Variants in ABCA12 observed in about 807,000 individuals in gnomAD.
ABCA12 encodes the protein glucosylceramide transporter ABCA12.
Under a neutral mutation model 293.5 loss-of-function variants are expected in ABCA12, and 156 were observed. That is an observed-to-expected ratio of 0.53 (90% CI 0.47 to 0.61). ABCA12 has a LOEUF of 0.61. Ranked by LOEUF, ABCA12 falls within the 20% of genes least tolerant of loss-of-function variation. ABCA12 has a pLI of 0.00. For missense variants in ABCA12, 2,797 were observed against 3,090.2 expected, an observed-to-expected ratio of 0.91 and a Z score of 2.25; for synonymous variants, 1,063 against 1,108.0, an observed-to-expected ratio of 0.96 and a Z score of 0.81.
At position 214,954,033 on chromosome 2, in the gene ABCA12, C is replaced by A. The variant is rs767339265; in HGVS notation, c.6468G>T (p.Leu2156Phe). 1 of 1,614,036 alleles carries A rather than the reference C, an allele frequency of 6.2e-7. No individual in the cohort carries two copies. The highest frequency in any genetic ancestry group is 2.2e-5 in the East Asian group (1 of 44,856). The change falls in exon 44 of 53, where the codon TTG becomes TTT. Residue 2156 changes from leucine (L) to phenylalanine (F), a missense_variant. Leu to Phe is a conservative substitution (Grantham distance 22). Transcript: ENST00000272895. ...IFPQFCFGYG[L>F]IELSQQQSVL... The stretch of plus-strand genomic sequence containing the variant: ...CCGACTGTTGTTGAGAAAGTTCAAT[C>A]AAACCGTAGCCAAAACAGAATTGTG...
chr2:215,011,183 C>T (rs1342529411), intron 17 of ABCA12, among the ~76,000 whole-genome samples: 1 of 152,168 alleles, frequency 6.6e-6, no homozygotes, highest in Non-Finnish European at 1.5e-5. Context: ...TACCTGGGTT[C>T]AAATGACAGC....
intron 2 of ABCA12, among the ~76,000 whole-genome samples, chr2:215,087,473 GT>G (rs1228364353): frequency 7.3e-6 from 1 of 136,882 alleles, no homozygotes; most frequent in Non-Finnish European, 1.5e-5. Context: ...TTACCTAAAT[GT>G]GCATACAGGC....
chr2:214,986,911 G>A lies in ABCA12; in HGVS notation c.3977-183C>T, dbSNP rs146693515. ...CCTCACTTGGTTGCAGAATGAATAA[G>A]AGTGGAGAACCAGGGTTCATTTCAC... On this transcript the variant is annotated intron_variant, in intron 27 of 52. Transcript: ENST00000272895. 5.8e-3 allele frequency among the ~76,000 whole-genome samples: 889 copies of A among 152,300 alleles called. 9 individuals are homozygous for A. Among genetic ancestry groups the A allele is most frequent in the African/African-American group, 0.02 (837 of 41,550 alleles).
intron 7 of ABCA12, among the ~76,000 whole-genome samples, chr2:215,043,145 A>G (rs553982323): frequency 6.6e-6 from 1 of 152,054 alleles, no homozygotes; most frequent in Admixed American, 6.6e-5. Flanking sequence ...TATAGTTTTG[A>G]TTTTCATTTC....
chr2:215,062,060 C>T (rs903295152), intron 3 of ABCA12, among the ~76,000 whole-genome samples: 1 of 152,002 alleles, frequency 6.6e-6, no homozygotes, highest in Non-Finnish European at 1.5e-5. Context: ...CTCAAGTAAA[C>T]CTCTTTGTGA....
chr2:214,955,395 G>A (rs376532710), intron 42 of ABCA12, 34 bp from the exon 43 acceptor site: 22 of 1,610,086 alleles, frequency 1.4e-5, no homozygotes, highest in South Asian at 7.7e-5. Flanking sequence ...TTAAAATTAC[G>A]CCTCGGCCAG....
At chr2:214,972,891 C>T (rs1699418582) in intron 36 of ABCA12, among the ~76,000 whole-genome samples, 3 of 152,088 alleles carry the variant, frequency 2.0e-5, no homozygotes, top group Non-Finnish European at 2.9e-5. Flanking sequence ...TGCAGTGGTA[C>T]AGCCTTGAAC....
chr2:215,100,083 T>G (rs1702326250), intron 2 of ABCA12, among the ~76,000 whole-genome samples: 1 of 151,826 alleles, frequency 6.6e-6, no homozygotes, highest in Non-Finnish European at 1.5e-5. Flanking sequence ...GGCACAATCA[T>G]GGCTCACTGC....
chr2:214,976,700 T>TA (rs36015186), intron 33 of ABCA12, among the ~76,000 whole-genome samples: 4,984 of 151,232 alleles, frequency 0.033, 271 homozygotes, highest in African/African-American at 0.11. Flanking sequence ...CTAGAGTTAT[T>TA]AAAAAAAAAG....
At chr2:214,992,336 A>G (rs1236830981) in intron 23 of ABCA12, among the ~76,000 whole-genome samples, 1 of 151,184 alleles carries the variant, frequency 6.6e-6, no homozygotes, top group East Asian at 2.0e-4. Flanking sequence ...CCAGCTACTC[A>G]GGAGGCTGAG....
chr2:215,128,163 T>A (rs942195318), intron 1 of ABCA12, among the ~76,000 whole-genome samples: 6 of 152,218 alleles, frequency 3.9e-5, no homozygotes, highest in Admixed American at 1.3e-4. Flanking sequence ...TGCTGAGAAA[T>A]CTGCTGTTGA....
At chr2:215,113,935 T>C (rs1248223185) in intron 1 of ABCA12, among the ~76,000 whole-genome samples, 1 of 152,214 alleles carries the variant, frequency 6.6e-6, no homozygotes, top group Admixed American at 6.5e-5. Flanking sequence ...ACCTTTTATT[T>C]AATACTACAA....
chr2:215,062,437 A>G (rs1432193730), intron 3 of ABCA12, among the ~76,000 whole-genome samples: 1 of 152,026 alleles, frequency 6.6e-6, no homozygotes, highest in Admixed American at 6.6e-5. Context: ...CCGTTCTCAT[A>G]GACAATGTAT....
At position 214,932,603 on chromosome 2, in the gene ABCA12, T is replaced by C. The variant is rs751053582; in HGVS notation, c.*31A>G. 2.7e-6 allele frequency: 4 copies of C among 1,499,228 alleles called. No individual in the cohort carries two copies. Among genetic ancestry groups the C allele is most frequent in the Admixed American group, 3.4e-5 (2 of 59,628 alleles). The allele number at this position is 1,499,228 out of a possible 1,614,324, so 92.9% of individuals were successfully genotyped here. A position where few individuals can be genotyped will look rare whatever the true frequency, so the allele number is the denominator to read the frequency against. On this transcript the variant is annotated 3_prime_UTR_variant, in exon 53 of 53. Coordinates refer to ENST00000272895, the MANE Select transcript of ABCA12 (RefSeq NM_173076.3). ...CTTTTCTTCAAAATGAAGCCATTGG[T>C]CACACGCTGAGATTGAGTTTGCTGG...
At chr2:215,040,635 C>T (rs1701079596) in intron 7 of ABCA12, among the ~76,000 whole-genome samples, 1 of 151,954 alleles carries the variant, frequency 6.6e-6, no homozygotes, top group South Asian at 2.1e-4. Flanking sequence ...ATGGTGAAAC[C>T]CCGTCTCTAC....
In ABCA12 at chr2:215,019,426, T is replaced by C. The variant is rs1177022246; in HGVS notation, c.1567A>G (p.Met523Val). ...TGAGTGATATTTTCCAAGTAATTCA[T>C]TTGCAGTGCCTGTTCTAGAAACCTG... ...MDQFLEQALQ[M>V]NYLENITQLI... The change falls in exon 13 of 53, where the codon ATG (methionine) becomes GTG (valine). Residue 523 changes from methionine to valine, a missense_variant. Met to Val is a conservative substitution (Grantham distance 21, BLOSUM62 1). This residue lies in a region of ABCA12 where 656 missense variants were observed against 638.2 expected (regional missense o/e 1.03). Coordinates refer to ENST00000272895, the MANE Select transcript of ABCA12 (RefSeq NM_173076.3). 2 of 1,614,012 alleles carry C rather than the reference T, an allele frequency of 1.2e-6. No individual in the cohort carries two copies. Among genetic ancestry groups the C allele is most frequent in the East Asian group, 2.2e-5 (1 of 44,868 alleles).
intron 2 of ABCA12, among the ~76,000 whole-genome samples, chr2:215,084,327 T>C (rs992353795): frequency 8.3e-4 from 91 of 109,170 alleles, no homozygotes; most frequent in African/African-American, 3.0e-3. Flanking sequence ...GCTTACAGAC[T>C]GCATTATTTC....
At chr2:215,034,349 T>C (rs1305519995) in intron 8 of ABCA12, among the ~76,000 whole-genome samples, 3 of 152,174 alleles carry the variant, frequency 2.0e-5, no homozygotes, top group African/African-American at 4.8e-5. Flanking sequence ...TCTTGAAGTG[T>C]GCTCATACGT....
chr2:215,084,467 C>G (rs377272548), intron 2 of ABCA12, among the ~76,000 whole-genome samples: 3 of 152,128 alleles, frequency 2.0e-5, no homozygotes, highest in Non-Finnish European at 2.9e-5. Flanking sequence ...AGTAATTCTT[C>G]AAATCCAAAG....
Sources: gnomAD v4.1 joint callset for allele counts (sites outside exome capture counted in the v4.1 genomes callset) on GRCh38, gnomAD v4.1.1 for gene constraint, gnomAD v4.1.1 regional missense constraint, MANE v1.5 for transcripts, NCBI Gene and HGNC (gene_info 2026-07-23, HGNC 2026-07-21) for gene names.